ADSS2: variants seen among roughly 807,000 people sequenced by gnomAD.
ADSS2 encodes the protein adenylosuccinate synthase 2, also known as adenylosuccinate synthetase isozyme 2.
A neutral mutation model predicts 60.0 loss-of-function variants in ADSS2; 30 were observed. The observed-to-expected ratio is 0.50, with a 90% CI of 0.37 to 0.68. The LOEUF (loss-of-function observed/expected upper bound fraction) is 0.68. ADSS2 is among the 30% of genes least tolerant of loss of function. The pLI is 0.00. For synonymous variants in ADSS2, 187 were observed against 193.1 expected (o/e 0.97, Z 0.26); for missense variants, 373 against 554.8 (o/e 0.67, Z 3.29).
intron 4 of ADSS2, among the ~76,000 whole-genome samples, chr1:244,426,350 A>T (rs1220483722): frequency 1.3e-5 from 2 of 152,186 alleles, no homozygotes; most frequent in African/African-American, 4.8e-5. Flanking sequence ...TTCAGAAATT[A>T]ATTTAGTACC....
chr1:244,424,731 T>G, intron 4 of ADSS2: 1 of 210,570 alleles, frequency 4.7e-6, no homozygotes, highest in South Asian at 7.2e-5. Context: ...AGGGCTCATG[T>G]TGACACCTCC....
chr1:244,411,774 A>C (rs1664423653), intron 11 of ADSS2, among the ~76,000 whole-genome samples: 1 of 152,196 alleles, frequency 6.6e-6, no homozygotes, highest in Non-Finnish European at 1.5e-5. Flanking sequence ...TTGAATTTCC[A>C]TTCTATTGAT....
chr1:244,434,929 G>A (rs1665046519), intron 3 of ADSS2, among the ~76,000 whole-genome samples: 1 of 152,054 alleles, frequency 6.6e-6, no homozygotes, highest in South Asian at 2.1e-4. Context: ...AGCACCTTGG[G>A]AGGCCGAGGC....
At chr1:244,449,312 G>C (rs2148018041) in intron 1 of ADSS2, among the ~76,000 whole-genome samples, 1 of 152,276 alleles carries the variant, frequency 6.6e-6, no homozygotes, top group East Asian at 1.9e-4. Flanking sequence ...TACATTATGT[G>C]TACATCACTT....
intron 1 of ADSS2, among the ~76,000 whole-genome samples, chr1:244,450,730 T>C (rs1329778399): frequency 1.3e-5 from 2 of 152,220 alleles, no homozygotes; most frequent in Admixed American, 6.5e-5. Flanking sequence ...CCTTACCCTG[T>C]ATGCTGCGTC....
chr1:244,429,907 T>A (rs941509238), intron 4 of ADSS2, among the ~76,000 whole-genome samples: 2 of 151,854 alleles, frequency 1.3e-5, no homozygotes, highest in Non-Finnish European at 2.9e-5. Context: ...TAAAATAAAA[T>A]AAAAAATATG....
chr1:244,451,005 A>G lies in ADSS2; in HGVS notation c.183+630T>C, dbSNP rs1209589182. On this transcript the variant is annotated intron_variant, in intron 1 of 12. Coordinates refer to ENST00000366535, the MANE Select transcript of ADSS2 (RefSeq NM_001126.5). The surrounding 1 kb of genome is among the most constrained non-coding windows in gnomAD (Gnocchi z 6.6). ...TATGGAGCACACTGTAAAAACAAAA[A>G]CAAAAACAAGAAACTCAGGGCCCTA... is the stretch of plus-strand genomic sequence containing the variant. 6.6e-6 allele frequency among the ~76,000 whole-genome samples: 1 copy of G among 152,208 alleles called. No individual in the cohort carries two copies. The highest frequency in any genetic ancestry group is 1.5e-5 in the Non-Finnish European group (1 of 68,030).
intron 4 of ADSS2, among the ~76,000 whole-genome samples, chr1:244,428,597 C>T (rs1240080851): frequency 4.0e-5 from 6 of 150,964 alleles, no homozygotes; most frequent in Admixed American, 4.0e-4. Flanking sequence ...ACTACAAAAA[C>T]GAGCAAATTT....
chr1:244,413,566 T>C (rs1572128040), intron 11 of ADSS2, among the ~76,000 whole-genome samples: 1 of 151,382 alleles, frequency 6.6e-6, no homozygotes, highest in Admixed American at 6.6e-5. Flanking sequence ...CCTGGGGAGG[T>C]AGAGAGTTGA....
rs74535980 is a variant in ADSS2, at chr1:244,439,552, C to T, written c.184-1784G>A. 5.4e-3 allele frequency among the ~76,000 whole-genome samples: 826 copies of T among 152,248 alleles called. 15 individuals are homozygous for T. The highest frequency in any genetic ancestry group is 0.018 in the African/African-American group (746 of 41,532). ...GCAAGACCAAATCCTCCTGACTCTT[C>T]CTTCTCCTCAAGTGGAGGGAAGGAG... On this transcript the variant is annotated intron_variant, in intron 1 of 12. Transcript: ENST00000366535.
intron 10 of ADSS2, among the ~76,000 whole-genome samples, chr1:244,416,976 C>T (rs1052695627): frequency 8.5e-5 from 13 of 152,130 alleles, no homozygotes; most frequent in African/African-American, 2.9e-4. Context: ...GTATTTTTAA[C>T]TTTATTGTTA....
At chr1:244,445,680 T>C (rs1665366863) in intron 1 of ADSS2, among the ~76,000 whole-genome samples, 1 of 151,840 alleles carries the variant, frequency 6.6e-6, no homozygotes, top group Non-Finnish European at 1.5e-5. Flanking sequence ...AGGAATTAAA[T>C]GATATTAGTT....
rs369875930 is a variant in ADSS2 at position 244,418,052 on chromosome 1, G to A, written c.946-300C>T. Among the ~76,000 whole-genome samples, 35 of 152,256 alleles carry A rather than the reference G, an allele frequency of 2.3e-4. No homozygotes were observed. In the East Asian group the frequency reaches 6.4e-3, roughly 28 times the overall value. ...AGTATTTATTAAATAGACGAATCCA[G>A]CCAGTTCTTCCAAGAGCTGTAGTTT... is the stretch of plus-strand genomic sequence containing the variant. On this transcript the variant is annotated intron_variant, in intron 9 of 12. Coordinates refer to ENST00000366535, the MANE Select transcript of ADSS2 (RefSeq NM_001126.5).
At chr1:244,416,574 G>A (rs1202462897) in intron 10 of ADSS2, among the ~76,000 whole-genome samples, 4 of 151,966 alleles carry the variant, frequency 2.6e-5, no homozygotes, top group Admixed American at 1.3e-4. Flanking sequence ...CCTGCCTCTC[G>A]GCCTCCCAAA....
intron 1 of ADSS2, among the ~76,000 whole-genome samples, chr1:244,439,314 T>C (rs1215284999): frequency 6.6e-6 from 1 of 152,250 alleles, no homozygotes; most frequent in African/African-American, 2.4e-5. Flanking sequence ...GAGTTCCTTA[T>C]CTGCCTGGGT....
intron 1 of ADSS2, among the ~76,000 whole-genome samples, chr1:244,446,237 C>A (rs1665381831): frequency 6.6e-6 from 1 of 152,130 alleles, no homozygotes. Flanking sequence ...TTACCATTCA[C>A]CAAAACTAAA....
chr1:244,430,617 C>T (rs1216866330), intron 4 of ADSS2, among the ~76,000 whole-genome samples: 1 of 152,184 alleles, frequency 6.6e-6, no homozygotes, highest in African/African-American at 2.4e-5. Context: ...TTTTCATTAT[C>T]TAATGCAGCG....
intron 1 of ADSS2, among the ~76,000 whole-genome samples, chr1:244,440,802 T>C (rs1665221021): frequency 6.6e-6 from 1 of 152,234 alleles, no homozygotes; most frequent in Admixed American, 6.5e-5. Flanking sequence ...TTCCATAACC[T>C]TGCAAACAGA....
chr1:244,437,870 TA>T, intron 1 of ADSS2, 102 bp from the exon 2 acceptor site: 3 of 865,602 alleles, frequency 3.5e-6, no homozygotes, highest in Non-Finnish European at 3.8e-6. Flanking sequence ...AAGGTCAACT[TA>T]AGAGAGCCCA....
Sources: allele counts gnomAD v4.1 joint callset (sites outside exome capture counted in the v4.1 genomes callset), GRCh38; gene constraint gnomAD v4.1.1; non-coding constraint Gnocchi (gnomAD v3.1); transcripts MANE v1.5; gene names NCBI Gene and HGNC (gene_info 2026-07-23, HGNC 2026-07-21).